Variants in PTPRT observed in about 807,000 individuals in gnomAD.
The protein encoded by PTPRT is protein tyrosine phosphatase receptor type T.
A neutral mutation model predicts 176.8 loss-of-function variants in PTPRT; 56 were observed. The ratio of observed to expected loss-of-function variants is 0.32; its 90% CI spans 0.26 to 0.40. The LOEUF is 0.40. PTPRT is among the 10% of genes least tolerant of loss of function. The pLI is 1.00. For synonymous variants in PTPRT, 783 were observed against 739.0 expected (o/e 1.06, Z -0.96); for missense variants, 1,540 against 1,908.2 (o/e 0.81, Z 3.60).
At chr20:42,405,667 T>G (rs3091743) in intron 9 of PTPRT, among the ~76,000 whole-genome samples, 1 of 152,078 alleles carries the variant, frequency 6.6e-6, no homozygotes, top group Non-Finnish European at 1.5e-5. Flanking sequence ...GTGCATGTGT[T>G]TTTATAGCAG....
At chr20:42,993,761 C>G (rs1211285978) in intron 1 of PTPRT, among the ~76,000 whole-genome samples, 1 of 151,836 alleles carries the variant, frequency 6.6e-6, no homozygotes, top group Non-Finnish European at 1.5e-5. Flanking sequence ...GACTTATCAC[C>G]AAAACTCACC....
intron 7 of PTPRT, among the ~76,000 whole-genome samples, chr20:42,509,924 G>A (rs911150653): frequency 6.6e-6 from 1 of 152,112 alleles, no homozygotes; most frequent in African/African-American, 2.4e-5. Context: ...GATAGGAACA[G>A]TCTTGGATAA....
rs562626766 is a variant in PTPRT at position 42,111,887 on chromosome 20, G to A, written c.3100-1400C>T. Among the ~76,000 whole-genome samples the A allele has an allele frequency of 3.6e-4, 55 of 152,228 alleles. 1 individual carries two copies. The highest frequency in any genetic ancestry group is 6.3e-4 in the Non-Finnish European group (43 of 68,016). ...GAGAAGAGGAAGGAATCCAAGGCAG[G>A]GGGACAGCATGGGCACAGGCCTGGG... On this transcript the variant is annotated intron_variant, in intron 22 of 30. Coordinates refer to ENST00000373187, the MANE Select transcript of PTPRT (RefSeq NM_007050.6).
chr20:42,817,197 G>T (rs541535928), intron 2 of PTPRT, among the ~76,000 whole-genome samples: 1 of 152,268 alleles, frequency 6.6e-6, no homozygotes, highest in African/African-American at 2.4e-5. Context: ...GTCAAGAAAA[G>T]CACTTTAAGT....
chr20:42,542,781 T>C (rs910678183), intron 7 of PTPRT, among the ~76,000 whole-genome samples: 1 of 152,220 alleles, frequency 6.6e-6, no homozygotes, highest in Non-Finnish European at 1.5e-5. Context: ...CAAGTTTCAT[T>C]CATATCATGA....
At chr20:42,452,086 TGGTGAAAC>T (rs1400160465) in intron 8 of PTPRT, among the ~76,000 whole-genome samples, 1 of 152,028 alleles carries the variant, frequency 6.6e-6, no homozygotes, top group Non-Finnish European at 1.5e-5. Context: ...CTGGCCAACA[TGGTGAAAC>T]CCTGTCTTTA....
rs1387601845 is a variant in PTPRT, at chr20:42,078,376, C to G, written c.*2503G>C. The G allele has an allele frequency of 4.7e-6, 1 of 212,336 alleles. No homozygotes were observed. Among genetic ancestry groups the G allele is most frequent in the Non-Finnish European group, 9.6e-6 (1 of 104,626 alleles). The allele number at this position is 212,336 out of a possible 1,614,324, so 13.2% of individuals were successfully genotyped here. A position where few individuals can be genotyped will look rare whatever the true frequency, so the allele number is the denominator to read the frequency against. On this transcript the variant is annotated 3_prime_UTR_variant, in exon 31 of 31. Coordinates refer to ENST00000373187, the MANE Select transcript of PTPRT (RefSeq NM_007050.6). ...GGAGATCTGGGTTGGTGACCCTGCT[C>G]CGTGGTAAAGCAGAGACCCTGGGTT...
At chr20:42,514,075 CA>C (rs2072014163) in intron 7 of PTPRT, among the ~76,000 whole-genome samples, 1 of 152,116 alleles carries the variant, frequency 6.6e-6, no homozygotes. Flanking sequence ...TTAGCTTGTA[CA>C]AACAAATTTG....
At chr20:43,015,664 T>C (rs1456583697) in intron 1 of PTPRT, among the ~76,000 whole-genome samples, 1 of 152,138 alleles carries the variant, frequency 6.6e-6, no homozygotes, top group Non-Finnish European at 1.5e-5. Context: ...AAGAGTTAGA[T>C]GTGGGACTGT....
chr20:43,026,542 A>G (rs183352347), intron 1 of PTPRT, among the ~76,000 whole-genome samples: 1 of 152,214 alleles, frequency 6.6e-6, no homozygotes, highest in Middle Eastern at 3.2e-3. Flanking sequence ...CATAATAATC[A>G]TAATCTTAAG....
At chr20:42,335,143 G>A (rs570892932) in intron 11 of PTPRT, among the ~76,000 whole-genome samples, 36 of 152,346 alleles carry the variant, frequency 2.4e-4, no homozygotes, top group African/African-American at 1.9e-4. Flanking sequence ...AGATTCTGAT[G>A]TTGGAGTAGT....
intron 1 of PTPRT, among the ~76,000 whole-genome samples, chr20:42,902,175 T>C (rs2079414014): frequency 6.6e-6 from 1 of 152,198 alleles, no homozygotes. Context: ...TAAAAACCTC[T>C]TCTTCTGAAA....
intron 9 of PTPRT, among the ~76,000 whole-genome samples, chr20:42,377,131 C>A (rs141928948): frequency 2.2e-4 from 33 of 152,276 alleles, no homozygotes; most frequent in African/African-American, 7.0e-4. Context: ...TCCTTCTCAG[C>A]AAAGCGATGC....
intron 1 of PTPRT, among the ~76,000 whole-genome samples, chr20:42,910,047 A>G (rs183496506): frequency 1.3e-5 from 2 of 152,264 alleles, no homozygotes; most frequent in African/African-American, 4.8e-5. Flanking sequence ...GGGACACCAT[A>G]AAGCTGGTTA....
chr20:42,996,331 G>C (rs6030595), intron 1 of PTPRT, among the ~76,000 whole-genome samples: 5,978 of 152,280 alleles, frequency 0.039, 368 homozygotes, highest in African/African-American at 0.13. Context: ...ACTCCAAGCA[G>C]TTACATTGGC....
chr20:42,484,245 C>T (rs1243040332), intron 7 of PTPRT, among the ~76,000 whole-genome samples: 1 of 152,072 alleles, frequency 6.6e-6, no homozygotes, highest in Admixed American at 6.5e-5. Flanking sequence ...AAAACATACC[C>T]AACAGTTTCA....
chr20:42,220,052 T>TA (rs11472399), intron 15 of PTPRT, among the ~76,000 whole-genome samples: 35 of 151,272 alleles, frequency 2.3e-4, no homozygotes, highest in Non-Finnish European at 2.5e-4. Context: ...TATATATATA[T>TA]TTTTCAACAT....
chr20:43,038,859 AT>A (rs1257619894), intron 1 of PTPRT, among the ~76,000 whole-genome samples: 1 of 152,206 alleles, frequency 6.6e-6, no homozygotes, highest in African/African-American at 2.4e-5. Context: ...ATACAGATAA[AT>A]AAAAAATAAA....
chr20:42,917,657 T>C (rs1978864212), intron 1 of PTPRT, among the ~76,000 whole-genome samples: 1 of 152,094 alleles, frequency 6.6e-6, no homozygotes, highest in Non-Finnish European at 1.5e-5. Flanking sequence ...TTGCCCCCTA[T>C]CTTCCCATCA....
Sources: gnomAD v4.1 joint callset for allele counts (sites outside exome capture counted in the v4.1 genomes callset) on GRCh38, gnomAD v4.1.1 for gene constraint, MANE v1.5 for transcripts, NCBI Gene and HGNC (gene_info 2026-07-23, HGNC 2026-07-21) for gene names.